Variants in ABCB5 observed in about 807,000 individuals in gnomAD.
ABCB5 encodes ATP-binding cassette sub-family B member 5.
ABCB5 carries 155 observed loss-of-function variants against 144.2 expected under a neutral mutation model. The ratio of observed to expected loss-of-function variants is 1.08; its 90% CI spans 0.94 to 1.23. The LOEUF is 1.23. Ranked by LOEUF, ABCB5 falls within the 50% of genes most tolerant of loss-of-function variation. The pLI, the probability that ABCB5 is intolerant of heterozygous loss-of-function variation, is 0.00. For synonymous variants in ABCB5, 610 were observed against 528.6 expected (o/e 1.15, Z -2.11); for missense variants, 1,830 against 1,520.8 (o/e 1.20, Z -3.38).
At chr7:20,723,306 A>G in intron 21 of ABCB5, 87 bp downstream of exon 21, 2 of 1,356,948 alleles carry the variant, frequency 1.5e-6, no homozygotes, top group South Asian at 1.3e-5. Flanking sequence ...TGATGTGTTA[A>G]CCATCTTTAT....
At chr7:20,715,416 C>A (rs957436005) in intron 20 of ABCB5, among the ~76,000 whole-genome samples, 1 of 151,094 alleles carries the variant, frequency 6.6e-6, no homozygotes, top group South Asian at 2.1e-4. Context: ...TGTGTGTGTG[C>A]GTGTGTGTGT....
intron 14 of ABCB5, chr7:20,659,929 C>A: frequency 1.0e-6 from 1 of 971,338 alleles, no homozygotes; most frequent in Non-Finnish European, 1.2e-6. Flanking sequence ...GGTGATCCGC[C>A]CACCTCGGCC....
chr7:20,705,301 T>G (rs1235628910), intron 20 of ABCB5, among the ~76,000 whole-genome samples: 2 of 152,204 alleles, frequency 1.3e-5, no homozygotes, highest in South Asian at 2.1e-4. Context: ...ACCAGTAATA[T>G]GCATAACCAA....
chr7:20,734,400 A>C lies in ABCB5; in HGVS notation c.2868-4583A>C, dbSNP rs192212133. On this transcript the variant is annotated intron_variant, in intron 23 of 27. Transcript: ENST00000404938. ...ATCTAGGAGCTGGTTAAAACTGTAG[A>C]TACCTAGATCTCATCCTGCAAAATC... Among the ~76,000 whole-genome samples, 821 of 150,742 alleles carry C rather than the reference A, an allele frequency of 5.4e-3. 4 individuals carry two copies. The highest frequency in any genetic ancestry group is 0.017 in the South Asian group (78 of 4,692).
intron 14 of ABCB5, among the ~76,000 whole-genome samples, chr7:20,668,524 G>C (rs575332701): frequency 6.6e-6 from 1 of 151,652 alleles, no homozygotes; most frequent in East Asian, 2.0e-4. Context: ...CCCTCCGTCC[G>C]GCAGCCACCC....
intron 24 of ABCB5, among the ~76,000 whole-genome samples, chr7:20,740,111 G>T (rs767144904): frequency 6.6e-6 from 1 of 152,042 alleles, no homozygotes; most frequent in African/African-American, 2.4e-5. Flanking sequence ...GTGGTGGCAC[G>T]CACCTGTAGT....
chr7:20,696,754 A>T (rs1786429965), intron 16 of ABCB5, among the ~76,000 whole-genome samples: 1 of 152,170 alleles, frequency 6.6e-6, no homozygotes, highest in African/African-American at 2.4e-5. Flanking sequence ...ATATTTAAGT[A>T]ACACAGCCTA....
chr7:20,631,040 T>C lies in ABCB5; in HGVS notation c.260-1019T>C, dbSNP rs116620931. On this transcript the variant is annotated intron_variant, in intron 4 of 27. Coordinates refer to ENST00000404938, the MANE Select transcript of ABCB5 (RefSeq NM_001163941.2). ...CTAACATTGGTTTTCCGGAGGATAA[T>C]AGAGCAGGATTATTCGTTCCTATAA... 4.0e-3 allele frequency among the ~76,000 whole-genome samples: 615 copies of C among 152,266 alleles called. 2 individuals are homozygous for C. The highest frequency in any genetic ancestry group is 0.014 in the African/African-American group (597 of 41,566).
At chr7:20,672,496 C>T (rs1785480084) in intron 14 of ABCB5, among the ~76,000 whole-genome samples, 1 of 152,042 alleles carries the variant, frequency 6.6e-6, no homozygotes, top group African/African-American at 2.4e-5. Flanking sequence ...GTGCAGCAAA[C>T]CACCATGGCA....
intron 5 of ABCB5, among the ~76,000 whole-genome samples, chr7:20,642,871 C>A (rs1784323517): frequency 1.3e-5 from 2 of 152,208 alleles, no homozygotes; most frequent in Middle Eastern, 3.4e-3. Context: ...TCCAGTTCCA[C>A]CTACAATTAC....
At chr7:20,623,208 T>C (rs557003439) in intron 1 of ABCB5, 57 bp from the exon 2 acceptor site, 3 of 1,028,022 alleles carry the variant, frequency 2.9e-6, no homozygotes, top group African/African-American at 3.2e-5. Context: ...ATGCTGTATA[T>C]CAACTAAGTG....
chr7:20,629,966 G>A (rs574301973), intron 4 of ABCB5, among the ~76,000 whole-genome samples: 6 of 152,186 alleles, frequency 3.9e-5, no homozygotes, highest in Non-Finnish European at 7.4e-5. Flanking sequence ...GTGGTGAGAG[G>A]AACTAGCAAT....
At chr7:20,617,915 A>G (rs1783722447) in intron 1 of ABCB5, among the ~76,000 whole-genome samples, 1 of 152,228 alleles carries the variant, frequency 6.6e-6, no homozygotes, top group Non-Finnish European at 1.5e-5. Context: ...CCAAGAAGAT[A>G]TAACAACTAT....
intron 14 of ABCB5, among the ~76,000 whole-genome samples, chr7:20,677,949 A>G (rs747190429): frequency 7.2e-5 from 11 of 152,186 alleles, no homozygotes; most frequent in Non-Finnish European, 1.6e-4. Context: ...TTCAAAAACT[A>G]TTAAGAACTC....
intron 4 of ABCB5, among the ~76,000 whole-genome samples, chr7:20,630,181 TTATA>T (rs1008563441): frequency 3.3e-5 from 5 of 152,158 alleles, no homozygotes; most frequent in African/African-American, 1.2e-4. Context: ...TTTCCTGATT[TTATA>T]TGCTTTTCCC....
intron 21 of ABCB5, among the ~76,000 whole-genome samples, chr7:20,723,802 T>G (rs1431901761): frequency 6.6e-6 from 1 of 152,234 alleles, no homozygotes; most frequent in African/African-American, 2.4e-5. Flanking sequence ...AGTTACTGAA[T>G]GCAAGGCCAT....
At chr7:20,643,115 G>T (rs985745501) in intron 5 of ABCB5, 69 bp from the exon 6 acceptor site, 3 of 1,351,376 alleles carry the variant, frequency 2.2e-6, no homozygotes, top group Admixed American at 2.4e-5. Context: ...TACTGTGATC[G>T]ATTTTTTATG....
At chr7:20,674,157 A>T (rs952856775) in intron 14 of ABCB5, among the ~76,000 whole-genome samples, 30 of 151,974 alleles carry the variant, frequency 2.0e-4, no homozygotes, top group Admixed American at 4.6e-4. Flanking sequence ...ATTAGTTTTT[A>T]AAAAAATTTA....
chr7:20,722,894 A>T, intron 20 of ABCB5, 122 bp from the exon 21 acceptor site: 1 of 725,658 alleles, frequency 1.4e-6, no homozygotes, highest in South Asian at 2.1e-5. Flanking sequence ...AATTCAAGGC[A>T]TAAATTTAAG....
Sources: gnomAD v4.1 joint callset for allele counts (sites outside exome capture counted in the v4.1 genomes callset) on GRCh38, gnomAD v4.1.1 for gene constraint, MANE v1.5 for transcripts, NCBI Gene and HGNC (gene_info 2026-07-23, HGNC 2026-07-21) for gene names.